The following ANXA8 variants were observed in gnomAD, a reference collection of about 807,000 sequenced individuals.
ANXA8 encodes annexin A8.
In ANXA8, 9 loss-of-function variants were observed where a neutral mutation model predicts 26.8. The ratio of observed to expected loss-of-function variants is 0.34; its 90% CI spans 0.20 to 0.59. The LOEUF is 0.59. Ranked by LOEUF, ANXA8 falls within the 20% of genes least tolerant of loss-of-function variation. The pLI is 0.84. For missense variants in ANXA8, 83 were observed against 238.5 expected, an observed-to-expected ratio of 0.35 and a Z score of 4.29; for synonymous variants, 39 against 94.8, an observed-to-expected ratio of 0.41 and a Z score of 3.42.
the ANXA8 span, among the ~76,000 whole-genome samples, chr10:47,676,993 G>GAA: frequency 8.3e-6 from 1 of 120,006 alleles, no homozygotes; most frequent in Non-Finnish European, 1.7e-5. Context: ...AGAGCTGAAA[G>GAA]AAAAAAAAAA....
the ANXA8 span, among the ~76,000 whole-genome samples, chr10:47,527,990 G>A: frequency 6.8e-6 from 1 of 146,468 alleles, no homozygotes; most frequent in Non-Finnish European, 1.5e-5. Context: ...ACAAAAGCAA[G>A]AAGGGAGAAA....
chr10:47,959,566 T>TCTGAGCTTGGACCTG, the ANXA8 span, among the ~76,000 whole-genome samples: 1 of 146,826 alleles, frequency 6.8e-6, no homozygotes, highest in Non-Finnish European at 1.5e-5. Flanking sequence ...CTCTAAGGAG[T>TCTGAGCTTGGACCTG]CTGAGCTTGG....
At chr10:47,530,957 A>AGT in the ANXA8 span, among the ~76,000 whole-genome samples, 1 of 82,612 alleles carries the variant, frequency 1.2e-5, no homozygotes, top group African/African-American at 4.9e-5. Context: ...AATATCAAAA[A>AGT]GTGGTCAGAG....
the ANXA8 span, among the ~76,000 whole-genome samples, chr10:47,701,331 T>C: frequency 6.6e-6 from 1 of 151,638 alleles, no homozygotes; most frequent in Non-Finnish European, 1.5e-5. Context: ...AAATTACATA[T>C]GTACTTAGCT....
At chr10:47,484,279 G>A, upstream of ANXA8, 1 of 662,186 alleles carries the variant, frequency 1.5e-6, no homozygotes, top group Non-Finnish European at 2.8e-6. Flanking sequence ...AGTAAACACA[G>A]CTCCATGTTG....
At chr10:47,469,614 G>T (rs1186370646) in intron 11 of ANXA8, among the ~76,000 whole-genome samples, 1 of 151,834 alleles carries the variant, frequency 6.6e-6, no homozygotes, top group African/African-American at 2.4e-5. Flanking sequence ...TGGCTAGTCC[G>T]GGGTCTGCAT....
At chr10:47,940,422 C>T in the ANXA8 span, among the ~76,000 whole-genome samples, 31 of 147,278 alleles carry the variant, frequency 2.1e-4, no homozygotes, top group Admixed American at 2.1e-3. Flanking sequence ...ACGATGCAGC[C>T]AATCAAGACT....
the ANXA8 span, among the ~76,000 whole-genome samples, chr10:47,566,400 A>C: frequency 6.6e-6 from 1 of 150,972 alleles, no homozygotes; most frequent in South Asian, 2.1e-4. Context: ...AAAAAAAAAA[A>C]CTTTCTTGCC....
chr10:47,525,408 G>C, the ANXA8 span, among the ~76,000 whole-genome samples: 1 of 143,526 alleles, frequency 7.0e-6, no homozygotes, highest in East Asian at 2.8e-4. Flanking sequence ...TCCATCCCAA[G>C]AAACAAAACA....
At chr10:47,558,238 A>T in the ANXA8 span, among the ~76,000 whole-genome samples, 9 of 152,090 alleles carry the variant, frequency 5.9e-5, no homozygotes, top group Admixed American at 3.3e-4. Flanking sequence ...TTACTGAGAT[A>T]GATAAATAAT....
chr10:47,628,486 T>C, the ANXA8 span, among the ~76,000 whole-genome samples: 2 of 151,334 alleles, frequency 1.3e-5, no homozygotes, highest in South Asian at 2.1e-4. Context: ...GTTTGAATTC[T>C]ATTTAAAATC....
chr10:47,653,676 C>T, the ANXA8 span, among the ~76,000 whole-genome samples: 3,817 of 142,640 alleles, frequency 0.027, 103 homozygotes, highest in African/African-American at 0.11. Context: ...GACAGAGTCT[C>T]GCTCTGTCGC....
chr10:47,952,483 A>C, the ANXA8 span, among the ~76,000 whole-genome samples: 1 of 149,800 alleles, frequency 6.7e-6, no homozygotes, highest in Non-Finnish European at 1.5e-5. Context: ...TTGGAAGATT[A>C]AATTATATAA....
the ANXA8 span, among the ~76,000 whole-genome samples, chr10:47,716,052 G>T: frequency 2.7e-5 from 4 of 148,492 alleles, no homozygotes; most frequent in African/African-American, 1.0e-4. Flanking sequence ...TACCATCAGT[G>T]CATGCCACCA....
chr10:47,572,941 CTG>C, the ANXA8 span, among the ~76,000 whole-genome samples: 2 of 150,646 alleles, frequency 1.3e-5, no homozygotes, highest in African/African-American at 4.9e-5. Context: ...GATTTACAAA[CTG>C]TGTGCTTCAG....
chr10:47,916,660 G>C, the ANXA8 span, among the ~76,000 whole-genome samples: 3 of 136,780 alleles, frequency 2.2e-5, no homozygotes, highest in African/African-American at 7.5e-5. Context: ...CTTCTGCCTG[G>C]CAAGGGAGCT....
the ANXA8 span, among the ~76,000 whole-genome samples, chr10:47,966,360 C>T: frequency 2.1e-3 from 309 of 150,066 alleles, no homozygotes; most frequent in African/African-American, 7.1e-3. Context: ...AGGAATGAGA[C>T]CAATGAAGTC....
intron 1 of ANXA8, among the ~76,000 whole-genome samples, chr10:47,480,858 G>A (rs1256931734): frequency 3.9e-4 from 19 of 48,464 alleles, no homozygotes; most frequent in Non-Finnish European, 6.9e-4. Context: ...CTATGCACCC[G>A]CCCATCCATC....
chr10:47,564,035 AG>A, the ANXA8 span, among the ~76,000 whole-genome samples: 1 of 134,890 alleles, frequency 7.4e-6, no homozygotes, highest in East Asian at 2.2e-4. Context: ...TTAGAGCCCC[AG>A]CCCCCGCCCC....
Sources: allele counts gnomAD v4.1 joint callset (sites outside exome capture counted in the v4.1 genomes callset), GRCh38; gene constraint gnomAD v4.1.1; transcripts MANE v1.5; gene names NCBI Gene and HGNC (gene_info 2026-07-23, HGNC 2026-07-21).